ARAP1: variants seen among roughly 807,000 people sequenced by gnomAD.
ARAP1 encodes the protein arf-GAP with Rho-GAP domain, ANK repeat and PH domain-containing protein 1.
Under a neutral mutation model 172.2 loss-of-function variants are expected in ARAP1, and 76 were observed. The ratio of observed to expected loss-of-function variants is 0.44; its 90% CI spans 0.37 to 0.53. The LOEUF (loss-of-function observed/expected upper bound fraction) is 0.53, where lower values mean the gene tolerates loss of function less well. Among genes scored for constraint, ARAP1 ranks in the 20% least tolerant of loss-of-function variants. The pLI is 0.00. For missense variants in ARAP1, 1,686 were observed against 1,977.5 expected, an observed-to-expected ratio of 0.85 and a Z score of 2.80; for synonymous variants, 804 against 803.3, an observed-to-expected ratio of 1.00 and a Z score of -0.01.
chr11:72,707,152 T>C, intron 12 of ARAP1, 23 bp downstream of exon 12: 1 of 1,532,306 alleles, frequency 6.5e-7, no homozygotes. Flanking sequence ...CTCTGCCTGG[T>C]GCCCCGACCC....
intron 2 of ARAP1, among the ~76,000 whole-genome samples, chr11:72,732,132 G>A (rs72964185): frequency 0.084 from 12,808 of 152,096 alleles, 652 homozygotes; most frequent in South Asian, 0.16. Context: ...TTTAAATTTT[G>A]TATCATTTTC....
In ARAP1 at chr11:72,703,031, G is replaced by A. The variant is rs1856568240; in HGVS notation, c.2041C>T (p.Leu681Phe). 6.3e-7 allele frequency: 1 copy of A among 1,597,322 alleles called. No homozygotes were observed. Among genetic ancestry groups the A allele is most frequent in the African/African-American group, 1.3e-5 (1 of 74,530 alleles). Residue 681 changes from leucine (L) to phenylalanine (F), a missense_variant, in exon 15 of 35, where the codon CTC (leucine) becomes TTC (phenylalanine). Transcript: ENST00000393609. ...TTTDLAETQA[L>F]LGCGAGINCF... Reference sequence around the variant, plus strand: ...TTGATCCCAGCCCCACAGCCCAGGAGCGCCTGGGTCTCAGCCAGGTCTGTG... The same window carrying A: ...TTGATCCCAGCCCCACAGCCCAGGAACGCCTGGGTCTCAGCCAGGTCTGTG...
chr11:72,722,235 ATGTGTG>A lies in ARAP1; in HGVS notation c.509+4379_509+4384del. ...TGTGTGACTCTGTGTGTCTGTGTGTATGTGTGTGTGTATGTCTGCACCCAGCTCTGG... is the reference window on the plus strand; with the variant it reads ...TGTGTGACTCTGTGTGTCTGTGTGTATGTGTATGTCTGCACCCAGCTCTGG... On this transcript the variant is annotated intron_variant, in intron 3 of 34. Transcript: ENST00000393609. 3 of 984,492 alleles carry A rather than the reference ATGTGTG, an allele frequency of 3.0e-6. No individual in the cohort carries two copies. In the African/African-American group the frequency reaches 5.3e-5, roughly 17 times the overall value. 61.0% of individuals were successfully genotyped at this position (984,492 alleles called of 1,614,324 possible).
At chr11:72,738,271 C>T (rs943382561) in intron 1 of ARAP1, among the ~76,000 whole-genome samples, 3 of 152,178 alleles carry the variant, frequency 2.0e-5, no homozygotes, top group Non-Finnish European at 2.9e-5. Flanking sequence ...GCTGGCCCTC[C>T]GTCACCTGCA....
chr11:72,697,090 C>G lies in ARAP1; in HGVS notation c.3059G>C (p.Gly1020Ala), dbSNP rs1185516282. 3 of 1,609,364 alleles carry G rather than the reference C, an allele frequency of 1.9e-6. No homozygotes were observed. The African/African-American group carries it at 4.0e-5, about 21-fold the overall frequency. The change falls in exon 22 of 35, where the codon GGC becomes GCC. Residue 1020 changes from glycine to alanine, a missense_variant. Gly to Ala is a moderately conservative substitution (Grantham distance 60). Around this residue, in one of 5 missense-constraint regions of ARAP1, gnomAD observed 274 missense variants for 262.7 expected, o/e 1.04. Coordinates refer to ENST00000393609, the MANE Select transcript of ARAP1 (RefSeq NM_001040118.3). ...QDARSVHLKE[G>A]EQHVDDVSSA... ...GGAAACATCATCCACGTGCTGCTCG[C>G]CCTCCTTGAGGTGCACAGAGCGCGC...
chr11:72,696,846 G>A, intron 22 of ARAP1, 137 bp downstream of exon 22: 4 of 1,040,734 alleles, frequency 3.8e-6, no homozygotes, highest in Non-Finnish European at 5.5e-6. Context: ...GAGCGGCGAT[G>A]GGAATGAGAA....
chr11:72,697,853 C>G, intron 19 of ARAP1, 58 bp downstream of exon 19: 1 of 1,499,392 alleles, frequency 6.7e-7, no homozygotes, highest in Non-Finnish European at 8.9e-7. Context: ...GGGCTGGGGG[C>G]CTGGGAGCCC....
intron 11 of ARAP1, 62 bp downstream of exon 11, chr11:72,709,808 C>A: frequency 1.3e-6 from 2 of 1,569,316 alleles, no homozygotes; most frequent in East Asian, 2.2e-5. Flanking sequence ...TCCCACGTCG[C>A]GCAAAAGGAA....
intron 33 of ARAP1, 116 bp downstream of exon 33, chr11:72,687,323 C>A: frequency 7.5e-7 from 1 of 1,330,668 alleles, no homozygotes; most frequent in Admixed American, 1.8e-5. Context: ...TTAAAAGCAA[C>A]TCAAAATCTC....
chr11:72,697,293 C>A, intron 21 of ARAP1, 30 bp downstream of exon 21: 1 of 1,570,486 alleles, frequency 6.4e-7, no homozygotes, highest in African/African-American at 1.3e-5. Flanking sequence ...CCGGGAGGGG[C>A]GGGGCTGGCA....
rs1387328848 is a variant in ARAP1, at chr11:72,693,059, G to T, written c.3954+266C>A. 1 of 644,038 alleles carries T rather than the reference G, an allele frequency of 1.6e-6. No individual in the cohort carries two copies. Among genetic ancestry groups the T allele is most frequent in the Admixed American group, 2.6e-5 (1 of 38,086 alleles). The allele number at this position is 644,038 out of a possible 1,614,324, so 39.9% of individuals were successfully genotyped here. A position where few individuals can be genotyped will look rare whatever the true frequency, so the allele number is the denominator to read the frequency against. ...AGGTTCCTGTGGATGCAGTGATAAG[G>T]CACAGGCACAGTGAGACAGAGCATG... On this transcript the variant is annotated intron_variant, in intron 29 of 34. Transcript: ENST00000393609. This position sits in a 1 kb window ranked among gnomAD's most constrained non-coding sequence, Gnocchi z 4.6.
In ARAP1 at chr11:72,710,074, TG is replaced by T. The variant is rs969482270; in HGVS notation, c.1417-99del. 1.3e-3 allele frequency: 1,380 copies of T among 1,085,782 alleles called. 1 individual carries two copies. The highest frequency in any genetic ancestry group is 1.5e-3 in the Non-Finnish European group (1,097 of 719,238). 67.3% of individuals were successfully genotyped at this position (1,085,782 alleles called of 1,614,324 possible). Reference sequence around the variant, plus strand: ...AGGGAAGGTGGTGCAACTCAGGGACTGGGGGGGGTGCCCAGGAGGGAGACAG... The same window carrying T: ...AGGGAAGGTGGTGCAACTCAGGGACTGGGGGGGTGCCCAGGAGGGAGACAG... On this transcript the variant is annotated intron_variant, in intron 10 of 34. Coordinates refer to ENST00000393609, the MANE Select transcript of ARAP1 (RefSeq NM_001040118.3). This position sits in a 1 kb window ranked among gnomAD's most constrained non-coding sequence, Gnocchi z 4.3.
intron 19 of ARAP1, 32 bp from the exon 20 acceptor site, chr11:72,697,681 G>A: frequency 6.2e-7 from 1 of 1,613,076 alleles, no homozygotes; most frequent in Non-Finnish European, 8.5e-7. Context: ...TGAGGCCCAG[G>A]TCTTGCTCCT....
rs1855628080 is a variant in ARAP1, at chr11:72,685,363, C to A, written c.*301G>T. On this transcript the variant is annotated 3_prime_UTR_variant, in exon 35 of 35. Coordinates refer to ENST00000393609, the MANE Select transcript of ARAP1 (RefSeq NM_001040118.3). ...GAAAGGGTGGTGGTCCTCCCAAGTT[C>A]CTGACTTATGCCCATCTCTCCAGCC... The A allele has an allele frequency of 2.1e-6, 1 of 470,418 alleles. No homozygotes were observed. The highest frequency in any genetic ancestry group is 2.0e-5 in the African/African-American group (1 of 50,390). The allele number at this position is 470,418 out of a possible 1,614,324, so 29.1% of individuals were successfully genotyped here.
chr11:72,737,904 G>A (rs1486424770), intron 1 of ARAP1, among the ~76,000 whole-genome samples: 4 of 152,164 alleles, frequency 2.6e-5, no homozygotes, highest in Admixed American at 6.5e-5. Flanking sequence ...GAGTACAGGC[G>A]TGAGCCACCG....
At chr11:72,745,355 A>AT (rs35656290) in intron 1 of ARAP1, among the ~76,000 whole-genome samples, 15,968 of 110,722 alleles carry the variant, frequency 0.14, 1,202 homozygotes, top group African/African-American at 0.18. Flanking sequence ...CGTCCGGCTA[A>AT]TTTTTTTTTT....
chr11:72,726,736 G>T lies in ARAP1; in HGVS notation c.393C>A (p.Thr131=). The change falls in exon 3 of 35, where the codon ACC becomes ACA. Residue 131 remains threonine, a synonymous_variant. Coordinates refer to ENST00000393609, the MANE Select transcript of ARAP1 (RefSeq NM_001040118.3). The surrounding 1 kb of genome is among the most constrained non-coding windows in gnomAD (Gnocchi z 6.5). ...RSCLPPTCFT[T]PSTAAPDPVL... is the part of the protein sequence containing the mutation. ...CAGGGTCTGGGGCAGCTGTGGATGG[G>T]GTGGTGAAGCAGGTGGGCGGAAGGC... The T allele has an allele frequency of 6.5e-7, 1 of 1,549,204 alleles. No homozygotes were observed. The highest frequency in any genetic ancestry group is 8.7e-7 in the Non-Finnish European group (1 of 1,146,404).
intron 27 of ARAP1, 113 bp downstream of exon 27, chr11:72,694,867 C>T: frequency 2.3e-6 from 2 of 879,326 alleles, no homozygotes; most frequent in South Asian, 1.6e-5. Flanking sequence ...AACATGTCAT[C>T]AAAGCCCTTT....
intron 3 of ARAP1, chr11:72,721,932 A>G (rs1857529187): frequency 1.0e-6 from 1 of 986,246 alleles, no homozygotes; most frequent in Non-Finnish European, 1.2e-6. Flanking sequence ...AATGTCGTGT[A>G]CCTGCCCGTG....
Sources: allele counts gnomAD v4.1 joint callset (sites outside exome capture counted in the v4.1 genomes callset), GRCh38; gene constraint gnomAD v4.1.1; regional missense constraint gnomAD v4.1.1; non-coding constraint Gnocchi (gnomAD v3.1); transcripts MANE v1.5; gene names NCBI Gene and HGNC (gene_info 2026-07-23, HGNC 2026-07-21).